APOL4: variants seen among roughly 807,000 people sequenced by gnomAD.
APOL4 encodes the protein apolipoprotein L, 4.
APOL4 carries 14 observed loss-of-function variants against 12.1 expected under a neutral mutation model. That is an observed-to-expected ratio of 1.16 (90% CI 0.76 to 1.81). APOL4 has a LOEUF of 1.81. APOL4 is among the 40% of genes most tolerant of loss of function. The probability of loss-of-function intolerance (pLI) is 0.00; values close to 1 mark genes in which losing one functional copy is unlikely to be tolerated. For missense variants in APOL4, 432 were observed against 423.1 expected, an observed-to-expected ratio of 1.02 and a Z score of -0.18; for synonymous variants, 171 against 160.6, an observed-to-expected ratio of 1.06 and a Z score of -0.49.
intron 2 of APOL4, 134 bp downstream of exon 2, chr22:36,199,196 T>C: frequency 7.9e-7 from 1 of 1,265,938 alleles, no homozygotes; most frequent in Non-Finnish European, 1.1e-6. Flanking sequence ...GGCAGCCTCA[T>C]CAGCCACCTC....
Position 36,191,145 on chromosome 22 carries a change from T to G in APOL4, c.977A>C (p.Gln326Pro). ...ATTCTCCTCCAGCTCCTGAGCCCAC[T>G]GCCTCAGCGACTCAGCAGACTCGGA... The part of the protein sequence containing the change: ...AKSESAESLR[Q>P]WAQELEENLN... Residue 326 changes from glutamine to proline, a missense_variant, in exon 4 of 4, where the codon CAG becomes CCG. Transcript: ENST00000683024. 6.2e-7 allele frequency: 1 copy of G among 1,612,316 alleles called. No homozygotes were observed. The highest frequency in any genetic ancestry group is 2.2e-5 in the East Asian group (1 of 44,838).
chr22:36,191,781 C>A lies in APOL4; in HGVS notation c.341G>T (p.Trp114Leu). 6.2e-7 allele frequency: 1 copy of A among 1,602,994 alleles called. No individual in the cohort carries two copies. Among genetic ancestry groups the A allele is most frequent in the Non-Finnish European group, 8.5e-7 (1 of 1,173,814 alleles). The part of the protein sequence containing the change: ...WFLKEFPQIR[W>L]KIQESIERLR... ...CCTTTCTATGGACTCCTGAATCTTC[C>A]ATCTGATTTGAGGAAACTCTTTCAA... The change falls in exon 4 of 4, where the codon TGG becomes TTG. Residue 114 changes from tryptophan to leucine, a missense_variant. Physicochemically the swap from Trp to Leu is moderately conservative, Grantham distance 61. Transcript: ENST00000683024.
chr22:36,200,915 G>T (rs1364540306), intron 1 of APOL4, among the ~76,000 whole-genome samples: 3 of 152,202 alleles, frequency 2.0e-5, no homozygotes, highest in Non-Finnish European at 4.4e-5. Context: ...TAGCAGTTGA[G>T]ATGTGAAGCA....
chr22:36,197,325 C>T (rs1035573887), intron 2 of APOL4: 11 of 253,468 alleles, frequency 4.3e-5, no homozygotes, highest in Non-Finnish European at 7.5e-5. Flanking sequence ...GGGAGGAAGC[C>T]CTCCTGAGGA....
chr22:36,200,591 A>G (rs2014542129), intron 1 of APOL4, among the ~76,000 whole-genome samples: 1 of 152,258 alleles, frequency 6.6e-6, no homozygotes, highest in South Asian at 2.1e-4. Context: ...CATGTAAATT[A>G]TGCTACAAAG....
At chr22:36,192,017 C>T in intron 3 of APOL4, 105 bp from the exon 4 acceptor site, 2 of 1,069,850 alleles carry the variant, frequency 1.9e-6, no homozygotes. Context: ...TTCTATAAGT[C>T]AAATGGAAGT....
chr22:36,204,629 A>G, upstream of APOL4: 1 of 690,424 alleles, frequency 1.4e-6, no homozygotes, highest in South Asian at 2.6e-5. Flanking sequence ...CCAACTTACC[A>G]AGGGATCTTC....
intron 3 of APOL4, among the ~76,000 whole-genome samples, chr22:36,194,582 C>A (rs2014350799): frequency 6.6e-6 from 1 of 152,176 alleles, no homozygotes; most frequent in African/African-American, 2.4e-5. Context: ...CTAAGGCCTT[C>A]ACCACACTCC....
chr22:36,194,517 G>C (rs995812294), intron 3 of APOL4, among the ~76,000 whole-genome samples: 9 of 152,188 alleles, frequency 5.9e-5, no homozygotes, highest in African/African-American at 2.2e-4. Flanking sequence ...TGTCTCTCTG[G>C]GTCTTTGGGC....
At chr22:36,197,098 C>T (rs993419247) in intron 2 of APOL4, among the ~76,000 whole-genome samples, 9 of 152,178 alleles carry the variant, frequency 5.9e-5, no homozygotes, top group Non-Finnish European at 8.8e-5. Flanking sequence ...CAGCTGGCCC[C>T]GTTAGTAAAC....
At chr22:36,200,727 A>G (rs985663321) in intron 1 of APOL4, among the ~76,000 whole-genome samples, 2 of 152,264 alleles carry the variant, frequency 1.3e-5, no homozygotes, top group Non-Finnish European at 2.9e-5. Context: ...GCCACACTAC[A>G]TGCAAATTGT....
Position 36,199,362 on chromosome 22 carries a change from T to A in APOL4, c.50A>T (p.His17Leu). 1.2e-6 allele frequency: 2 copies of A among 1,614,082 alleles called. No homozygotes were observed. Among genetic ancestry groups the A allele is most frequent in the Middle Eastern group, 3.3e-4 (2 of 6,062 alleles). ...LITSVGVQQN[H>L]PGWTVAGQFQ... ...CTGTCCAGCCACTGTCCAGCCTGGA[T>A]GGTTTTGCTGCACCCTTGAGGAAGA... is the stretch of plus-strand genomic sequence containing the variant. Residue 17 changes from histidine to leucine, a missense_variant, in exon 2 of 4, where the codon CAT becomes CTT. His to Leu is a moderately conservative substitution (Grantham distance 99). Coordinates refer to ENST00000683024, the MANE Select transcript of APOL4 (RefSeq NM_001386885.1).
rs772137246 is a variant in APOL4 at position 36,191,672 on chromosome 22, C to G, written c.450G>C (p.Leu150=). Reference sequence around the variant, plus strand: ...GTGCCAACATAACGCCAATGACAGACAGGATGCCAGTGGAGCCAGACACCA... The same window carrying G: ...GTGCCAACATAACGCCAATGACAGAGAGGATGCCAGTGGAGCCAGACACCA... ...ANVVSGSTGI[L]SVIGVMLAPF... The change falls in exon 4 of 4, where the codon CTG becomes CTC. Residue 150 remains leucine, a synonymous_variant. Transcript: ENST00000683024. 2 of 1,614,068 alleles carry G rather than the reference C, an allele frequency of 1.2e-6. No individual in the cohort carries two copies. Among genetic ancestry groups the G allele is most frequent in the South Asian group, 2.2e-5 (2 of 91,086 alleles).
upstream of APOL4, among the ~76,000 whole-genome samples, chr22:36,203,416 CGTATGTAGAAGTACAGTGCATTT>C (rs938925352): frequency 1.2e-4 from 19 of 152,234 alleles, no homozygotes; most frequent in South Asian, 4.2e-4. Context: ...ACATAACATT[CGTATGTAGAAGTACAGTGCATTT>C]GTATGTAGAA....
At chr22:36,192,834 G>T (rs2014300851) in intron 3 of APOL4, among the ~76,000 whole-genome samples, 1 of 152,194 alleles carries the variant, frequency 6.6e-6, no homozygotes, top group Non-Finnish European at 1.5e-5. Context: ...AGACCTTGGG[G>T]AAGGGCTGGA....
chr22:36,198,133 G>A (rs936855310), intron 2 of APOL4, among the ~76,000 whole-genome samples: 6 of 152,150 alleles, frequency 3.9e-5, no homozygotes, highest in African/African-American at 1.4e-4. Context: ...CCACCCCTGA[G>A]CCTGCGCTTC....
upstream of APOL4, chr22:36,204,582 T>C: frequency 2.9e-6 from 1 of 350,016 alleles, no homozygotes; most frequent in Non-Finnish European, 5.2e-6. Context: ...ATAGAGCTAT[T>C]GCGAGAATAA....
intron 1 of APOL4, among the ~76,000 whole-genome samples, chr22:36,199,792 TTTTTTA>T (rs753288809): frequency 1.1e-4 from 16 of 148,516 alleles, no homozygotes; most frequent in Non-Finnish European, 2.4e-4. Context: ...CAGGGCTTCT[TTTTTTA>T]TTTTTATTTT....
At chr22:36,204,304 A>T (rs536118609), upstream of APOL4, among the ~76,000 whole-genome samples, 22 of 152,060 alleles carry the variant, frequency 1.4e-4, no homozygotes, top group Non-Finnish European at 2.2e-4. Context: ...TCCCAAAGAG[A>T]TGGGCACCCC....
Sources: allele counts gnomAD v4.1 joint callset (sites outside exome capture counted in the v4.1 genomes callset), GRCh38; gene constraint gnomAD v4.1.1; transcripts MANE v1.5; gene names NCBI Gene and HGNC (gene_info 2026-07-23, HGNC 2026-07-21).